POLR1B: variants seen among roughly 807,000 people sequenced by gnomAD.
POLR1B encodes RNA polymerase I subunit B.
In POLR1B, 30 loss-of-function variants were observed where a neutral mutation model predicts 105.8. The observed-to-expected ratio is 0.28, with a 90% CI of 0.21 to 0.38. POLR1B has a LOEUF of 0.38. Among genes scored for constraint, POLR1B ranks in the 10% least tolerant of loss-of-function variants. The probability of loss-of-function intolerance (pLI) is 1.00; values close to 1 mark genes in which losing one functional copy is unlikely to be tolerated. For synonymous variants in POLR1B, 485 were observed against 505.1 expected, an observed-to-expected ratio of 0.96 and a Z score of 0.53; for missense variants, 976 against 1,435.8, an observed-to-expected ratio of 0.68 and a Z score of 5.17.
At chr2:112,546,991 A>G in intron 1 of POLR1B, 21 bp from the exon 2 acceptor site, 4 of 1,612,370 alleles carry the variant, frequency 2.5e-6, no homozygotes, top group Non-Finnish European at 2.5e-6. Flanking sequence ...AAGCAATTTA[A>G]TAGTGTGAAT....
chr2:112,542,044 C>T, upstream of POLR1B: 1 of 1,470,138 alleles, frequency 6.8e-7, no homozygotes, highest in Non-Finnish European at 9.2e-7. Flanking sequence ...ACGACTTTGG[C>T]CGGATGACTC....
intron 7 of POLR1B, 104 bp from the exon 8 acceptor site, chr2:112,557,806 G>A (rs1683745361): frequency 9.3e-6 from 4 of 432,026 alleles, no homozygotes; most frequent in Admixed American, 7.3e-5. Context: ...GTCTCATGTT[G>A]AACTCTTGGT....
chr2:112,551,902 A>C lies in POLR1B; in HGVS notation c.890A>C (p.Gln297Pro). 2 of 1,613,984 alleles carry C rather than the reference A, an allele frequency of 1.2e-6. No individual in the cohort carries two copies. The highest frequency in any genetic ancestry group is 1.7e-6 in the Non-Finnish European group (2 of 1,179,868). Residue 297 changes from glutamine to proline, a missense_variant, in exon 6 of 15, where the codon CAA becomes CCA. Gln to Pro is a moderately conservative substitution (Grantham distance 76). This residue lies in a region of POLR1B where 452 missense variants were observed against 616.5 expected (regional missense o/e 0.73). Transcript: ENST00000263331. ...GTAATGGAAGAGGGTTGTTCGACAC[A>C]AAAACAGGTCCTTAACTACCTAGGT... ...RIVMEEGCST[Q>P]KQVLNYLGEC...
intron 9 of POLR1B, among the ~76,000 whole-genome samples, chr2:112,561,074 A>AAG (rs959005962): frequency 1.3e-5 from 2 of 151,810 alleles, no homozygotes; most frequent in South Asian, 2.1e-4. Flanking sequence ...AAAAAAAAAA[A>AAG]AGAGAGAGAG....
At chr2:112,559,146 T>G (rs1683826154) in intron 8 of POLR1B, 147 bp from the exon 9 acceptor site, 1 of 1,020,734 alleles carries the variant, frequency 9.8e-7, no homozygotes, top group Non-Finnish European at 1.4e-6. Flanking sequence ...GTGAACTCTT[T>G]ACACTCATCA....
In POLR1B at chr2:112,575,907, T is replaced by C; in HGVS notation, c.*178T>C. 1.7e-6 allele frequency: 1 copy of C among 601,168 alleles called. No homozygotes were observed. The highest frequency in any genetic ancestry group is 2.3e-5 in the South Asian group (1 of 43,890). The allele number at this position is 601,168 out of a possible 1,614,324, so 37.2% of individuals were successfully genotyped here. A position where few individuals can be genotyped will look rare whatever the true frequency, so the allele number is the denominator to read the frequency against. On this transcript the variant is annotated 3_prime_UTR_variant, in exon 15 of 15. Coordinates refer to ENST00000263331, the MANE Select transcript of POLR1B (RefSeq NM_019014.6). This position sits in a 1 kb window ranked among gnomAD's most constrained non-coding sequence, Gnocchi z 5.3. ...CTGAATCTCTCTGGTAGATTAACTA[T>C]TGACAATGATTTTCTGTTATCTTTG...
In POLR1B at chr2:112,547,116, AG is replaced by A; in HGVS notation, c.283del (p.Glu95ArgfsTer20). On this transcript the variant is annotated frameshift_variant, in exon 2 of 15. Coordinates refer to ENST00000263331, the MANE Select transcript of POLR1B (RefSeq NM_019014.6). LOFTEE classifies it high-confidence loss of function. ...CAGTTCCAAAAGGGACCATCTGCAAAGAGGCCAATGTTTATCCAGCAGAATG... is the reference window on the plus strand; with the variant it reads ...CAGTTCCAAAAGGGACCATCTGCAAAAGGCCAATGTTTATCCAGCAGAATG... Reference protein sequence around the residue: ...PTVPKGTICKEANVYPAECRG... With the variant: ...PTVPKGTICKXANVYPAECRG... 6.2e-7 allele frequency: 1 copy of A among 1,614,160 alleles called. No individual in the cohort carries two copies. The highest frequency in any genetic ancestry group is 8.5e-7 in the Non-Finnish European group (1 of 1,180,030).
At chr2:112,546,209 G>A (rs184448774) in intron 1 of POLR1B, among the ~76,000 whole-genome samples, 380 of 152,216 alleles carry the variant, frequency 2.5e-3, no homozygotes, top group African/African-American at 8.6e-3. Context: ...TTCTGTGGAA[G>A]GGGAAACCCA....
chr2:112,542,258 A>G (rs1682787670), upstream of POLR1B: 1 of 1,534,056 alleles, frequency 6.5e-7, no homozygotes, highest in African/African-American at 1.4e-5. Context: ...GGAGAAAGGG[A>G]GGGCCCGCCA....
intron 7 of POLR1B, 86 bp from the exon 8 acceptor site, chr2:112,557,824 G>A (rs2104537455): frequency 1.3e-6 from 1 of 748,106 alleles, no homozygotes; most frequent in Non-Finnish European, 1.8e-6. Context: ...GGTCTCAAGC[G>A]ATCCACCCAA....
chr2:112,549,388 A>G lies in POLR1B; in HGVS notation c.614A>G (p.Tyr205Cys). 1 of 1,609,964 alleles carries G rather than the reference A, an allele frequency of 6.2e-7. No individual in the cohort carries two copies. The highest frequency in any genetic ancestry group is 8.5e-7 in the Non-Finnish European group (1 of 1,178,320). ...RPKWKTRGPG[Y>C]TQYGVSMHCV... ...AAATGGAAAACCAGAGGGCCTGGTT[A>G]TACTCAGTATGGTAAGTTCTGGAGA... Residue 205 changes from tyrosine (Y) to cysteine (C), a missense_variant, in exon 4 of 15, where the codon TAT becomes TGT. Around this residue, in one of 12 missense-constraint regions of POLR1B, gnomAD observed 452 missense variants for 616.5 expected, o/e 0.73. Coordinates refer to ENST00000263331, the MANE Select transcript of POLR1B (RefSeq NM_019014.6).
intron 7 of POLR1B, among the ~76,000 whole-genome samples, chr2:112,556,734 C>T (rs1683681125): frequency 6.6e-6 from 1 of 152,178 alleles, no homozygotes; most frequent in South Asian, 2.1e-4. Context: ...GAGAACCTAT[C>T]TCAAACATTC....
At chr2:112,549,627 G>A (rs567037012) in intron 4 of POLR1B, among the ~76,000 whole-genome samples, 22 of 151,534 alleles carry the variant, frequency 1.5e-4, no homozygotes, top group Admixed American at 1.3e-3. Context: ...ATGAGCCACC[G>A]TGTCTGGTCT....
intron 14 of POLR1B, 119 bp from the exon 15 acceptor site, chr2:112,574,723 TAAAAA>T (rs61116291): frequency 0.05 from 29,016 of 575,278 alleles, 3 homozygotes; most frequent in East Asian, 0.099. Flanking sequence ...CCCTGTATCA[TAAAAA>T]AAAAAAAAAA....
chr2:112,574,922 T>C lies in POLR1B; in HGVS notation c.2601T>C (p.Val867=). The change falls in exon 15 of 15, where the codon GTT becomes GTC. Residue 867 remains valine (V), a synonymous_variant. Coordinates refer to ENST00000263331, the MANE Select transcript of POLR1B (RefSeq NM_019014.6). ...NDTGSGKFKC[V]CITMRVPRNP... ...CTGGGAGTGGAAAATTCAAGTGTGTTTGCATCACTATGAGAGTGCCTCGGA... is the reference window on the plus strand; with the variant it reads ...CTGGGAGTGGAAAATTCAAGTGTGTCTGCATCACTATGAGAGTGCCTCGGA... The C allele has an allele frequency of 6.2e-7, 1 of 1,614,124 alleles. No homozygotes were observed. The highest frequency in any genetic ancestry group is 2.2e-5 in the East Asian group (1 of 44,882).
At chr2:112,562,957 G>A (rs188158046) in intron 9 of POLR1B, among the ~76,000 whole-genome samples, 50 of 151,680 alleles carry the variant, frequency 3.3e-4, no homozygotes, top group African/African-American at 1.2e-3. Flanking sequence ...TCGAACTCTC[G>A]ACCTCAGGTG....
chr2:112,547,098 A>G lies in POLR1B; in HGVS notation c.264A>G (p.Pro88=), dbSNP rs532706750. 1.2e-5 allele frequency: 20 copies of G among 1,614,204 alleles called. No individual in the cohort carries two copies. The South Asian group carries it at 2.0e-4, about 16-fold the overall frequency. Residue 88 remains proline (P), a synonymous_variant, in exon 2 of 15, where the codon CCA becomes CCG. Transcript: ENST00000263331. Reference sequence around the variant, plus strand: ...CTGTTATCAGTCCACCTACAGTTCCAAAAGGGACCATCTGCAAAGAGGCCA... The same window carrying G: ...CTGTTATCAGTCCACCTACAGTTCCGAAAGGGACCATCTGCAAAGAGGCCA... ...LDAVISPPTV[P]KGTICKEANV...
intron 1 of POLR1B, among the ~76,000 whole-genome samples, chr2:112,543,687 G>A (rs893029881): frequency 6.6e-6 from 1 of 152,116 alleles, no homozygotes; most frequent in African/African-American, 2.4e-5. Context: ...AAATAATATG[G>A]GAGCCATTAA....
chr2:112,543,697 A>C (rs1221061166), intron 1 of POLR1B, among the ~76,000 whole-genome samples: 7 of 152,134 alleles, frequency 4.6e-5, no homozygotes, highest in Admixed American at 4.6e-4. Context: ...GGAGCCATTA[A>C]GATTTATTGT....
Sources: allele counts gnomAD v4.1 joint callset (sites outside exome capture counted in the v4.1 genomes callset), GRCh38; gene constraint gnomAD v4.1.1; regional missense constraint gnomAD v4.1.1; non-coding constraint Gnocchi (gnomAD v3.1); transcripts MANE v1.5; gene names NCBI Gene and HGNC (gene_info 2026-07-23, HGNC 2026-07-21).